EDIL3: variants seen among roughly 807,000 people sequenced by gnomAD.
EDIL3 encodes the protein EGF-like repeat and discoidin I-like domain-containing protein 3.
EDIL3 carries 37 observed loss-of-function variants against 67.4 expected under a neutral mutation model. The ratio of observed to expected loss-of-function variants is 0.55; its 90% confidence interval spans 0.42 to 0.72. The LOEUF (loss-of-function observed/expected upper bound fraction) is 0.72. EDIL3 is among the 30% of genes least tolerant of loss of function. The pLI is 0.00. For synonymous variants in EDIL3, 195 were observed against 196.3 expected, an observed-to-expected ratio of 0.99 and a Z score of 0.05; for missense variants, 527 against 586.3, an observed-to-expected ratio of 0.90 and a Z score of 1.04.
chr5:84,054,937 T>G (rs1192417020), intron 9 of EDIL3, among the ~76,000 whole-genome samples: 1 of 145,588 alleles, frequency 6.9e-6, no homozygotes, highest in Non-Finnish European at 1.5e-5. Context: ...AATGACTTTC[T>G]TCACAGAATT....
Position 83,963,377 on chromosome 5 carries a change from A to G in EDIL3, c.1138-17T>C. ...AAGATCCACCTTAAAAAAAAGAAAA[A>G]TACAGGCTTTAAATGCGACAACCAA... On this transcript the variant is annotated splice_polypyrimidine_tract_variant and intron_variant, in intron 9 of 10. Coordinates refer to ENST00000296591, the MANE Select transcript of EDIL3 (RefSeq NM_005711.5). 1 of 1,587,982 alleles carries G rather than the reference A, an allele frequency of 6.3e-7. No homozygotes were observed. The highest frequency in any genetic ancestry group is 1.2e-5 in the South Asian group (1 of 86,676).
At chr5:84,359,247 C>T (rs1427016140) in intron 1 of EDIL3, among the ~76,000 whole-genome samples, 1 of 152,096 alleles carries the variant, frequency 6.6e-6, no homozygotes, top group Non-Finnish European at 1.5e-5. Context: ...TTGTGCAAAA[C>T]AGGTATATCC....
chr5:84,095,551 C>G (rs960254009), intron 6 of EDIL3, among the ~76,000 whole-genome samples: 4 of 152,132 alleles, frequency 2.6e-5, no homozygotes, highest in African/African-American at 9.7e-5. Flanking sequence ...TGCTCCTGCT[C>G]TAGAAATTTG....
chr5:84,162,327 G>A (rs1026678040), intron 4 of EDIL3, among the ~76,000 whole-genome samples: 2 of 152,070 alleles, frequency 1.3e-5, no homozygotes, highest in Admixed American at 1.3e-4. Context: ...AGGACAAGGG[G>A]TCCCTCCTGG....
intron 1 of EDIL3, among the ~76,000 whole-genome samples, chr5:84,370,578 A>G (rs769291703): frequency 2.0e-5 from 3 of 152,192 alleles, no homozygotes; most frequent in Admixed American, 6.5e-5. Context: ...TCAAACCTGG[A>G]TAATAAAATA....
At chr5:84,188,279 A>G (rs1220136184) in intron 3 of EDIL3, among the ~76,000 whole-genome samples, 1 of 151,994 alleles carries the variant, frequency 6.6e-6, no homozygotes, top group African/African-American at 2.4e-5. Context: ...TTATTCCTTC[A>G]GAGTTCTAGA....
At chr5:84,382,192 G>T (rs1318100037) in intron 1 of EDIL3, among the ~76,000 whole-genome samples, 2 of 152,288 alleles carry the variant, frequency 1.3e-5, no homozygotes, top group Non-Finnish European at 1.5e-5. Context: ...CTAGCTGGGG[G>T]AAAAAGGGAG....
At position 84,111,279 on chromosome 5, in the gene EDIL3, T is replaced by G. The variant is rs553532743; in HGVS notation, c.470-4449A>C. Among the ~76,000 whole-genome samples the G allele has an allele frequency of 7.2e-5, 11 of 152,316 alleles. 2 individuals carry two copies. The highest frequency in any genetic ancestry group is 7.2e-4 in the Admixed American group (11 of 15,300). On this transcript the variant is annotated intron_variant, in intron 5 of 10. Transcript: ENST00000296591. Reference sequence around the variant, plus strand: ...GTAGTTCTTTATAACAATGTGTGAATGAACTAATACAGGCATTCAGTCACA... The same window carrying G: ...GTAGTTCTTTATAACAATGTGTGAAGGAACTAATACAGGCATTCAGTCACA...
Position 83,946,738 on chromosome 5 carries a change from C to T in EDIL3, c.1294-3170G>A, listed in dbSNP as rs565819854. On this transcript the variant is annotated intron_variant, in intron 10 of 10. Coordinates refer to ENST00000296591, the MANE Select transcript of EDIL3 (RefSeq NM_005711.5). ...CATGGAACAAAGTAACATTATCCTC[C>T]ACGATGTAGTCAGAGAGGTGGGGCA... 6.6e-5 allele frequency among the ~76,000 whole-genome samples: 10 copies of T among 151,936 alleles called. 1 individual carries two copies. The highest frequency in any genetic ancestry group is 2.0e-4 in the Admixed American group (3 of 15,216).
At chr5:84,147,923 A>C (rs1255143231) in intron 4 of EDIL3, among the ~76,000 whole-genome samples, 1 of 152,120 alleles carries the variant, frequency 6.6e-6, no homozygotes, top group Non-Finnish European at 1.5e-5. Flanking sequence ...GACTCAGATA[A>C]TAAAATTAAG....
At chr5:83,974,933 T>G (rs976048882) in intron 9 of EDIL3, among the ~76,000 whole-genome samples, 4 of 151,998 alleles carry the variant, frequency 2.6e-5, no homozygotes, top group African/African-American at 9.7e-5. Context: ...TTCCTTAATA[T>G]AGTTACCAAG....
intron 9 of EDIL3, among the ~76,000 whole-genome samples, chr5:84,005,075 A>G (rs1456830663): frequency 6.6e-6 from 1 of 152,134 alleles, no homozygotes; most frequent in Non-Finnish European, 1.5e-5. Flanking sequence ...ATACACACAA[A>G]CTAGAAAACC....
chr5:83,947,546 A>G (rs1331345252), intron 10 of EDIL3, among the ~76,000 whole-genome samples: 3 of 151,860 alleles, frequency 2.0e-5, no homozygotes, highest in African/African-American at 2.4e-5. Context: ...CCCTGTTTTT[A>G]TCTAATTCTA....
intron 2 of EDIL3, among the ~76,000 whole-genome samples, chr5:84,240,234 T>C (rs1160699582): frequency 6.6e-6 from 1 of 152,208 alleles, no homozygotes; most frequent in African/African-American, 2.4e-5. Flanking sequence ...TTAAACAATG[T>C]AATCCTCAAA....
intron 10 of EDIL3, among the ~76,000 whole-genome samples, chr5:83,946,785 T>C (rs933644324): frequency 2.0e-5 from 3 of 151,916 alleles, no homozygotes; most frequent in African/African-American, 7.2e-5. Context: ...CTTTTAGCAG[T>C]CATCGAATAG....
chr5:84,330,530 A>G (rs1746847287), intron 1 of EDIL3, among the ~76,000 whole-genome samples: 1 of 152,218 alleles, frequency 6.6e-6, no homozygotes, highest in Non-Finnish European at 1.5e-5. Context: ...GGTTTCTCAT[A>G]CTCAGCTTGA....
chr5:84,174,736 C>T (rs781508318), intron 4 of EDIL3, among the ~76,000 whole-genome samples: 1 of 152,180 alleles, frequency 6.6e-6, no homozygotes, highest in Admixed American at 6.5e-5. Context: ...AGAGCTGCTG[C>T]TTTCCACCAT....
intron 1 of EDIL3, among the ~76,000 whole-genome samples, chr5:84,344,529 A>T (rs2112181277): frequency 6.6e-6 from 1 of 152,214 alleles, no homozygotes; most frequent in Non-Finnish European, 1.5e-5. Context: ...TCATATGTAA[A>T]TTTTATGAAA....
intron 1 of EDIL3, among the ~76,000 whole-genome samples, chr5:84,377,959 T>C (rs996156519): frequency 7.2e-5 from 11 of 152,226 alleles, no homozygotes; most frequent in Admixed American, 2.6e-4. Context: ...ACTATCACTA[T>C]AATAATGCAT....
Sources: gnomAD v4.1 joint callset for allele counts (sites outside exome capture counted in the v4.1 genomes callset) on GRCh38, gnomAD v4.1.1 for gene constraint, MANE v1.5 for transcripts, NCBI Gene and HGNC (gene_info 2026-07-23, HGNC 2026-07-21) for gene names.